The following KLF12 variants were observed in gnomAD, a reference collection of about 807,000 sequenced individuals.
KLF12 encodes KLF transcription factor 12, also known as Krueppel-like factor 12.
Under a neutral mutation model 37.8 loss-of-function variants are expected in KLF12, and 9 were observed. The ratio of observed to expected loss-of-function variants is 0.24; its 90% CI spans 0.14 to 0.42. KLF12 has a LOEUF of 0.42. KLF12 is among the 10% of genes least tolerant of loss of function. The pLI is 1.00. For missense variants in KLF12, 411 were observed against 516.0 expected (o/e 0.80, Z 1.97); for synonymous variants, 208 against 202.1 (o/e 1.03, Z -0.25).
chr13:73,715,657 C>T, intron 6 of KLF12, 132 bp from the exon 7 acceptor site: 1 of 891,008 alleles, frequency 1.1e-6, no homozygotes, highest in Non-Finnish European at 1.7e-6. Context: ...GTTCTTGCTA[C>T]CACTATCTTG....
chr13:73,832,784 G>T (rs76471818), intron 4 of KLF12, among the ~76,000 whole-genome samples: 1 of 152,092 alleles, frequency 6.6e-6, no homozygotes, highest in Admixed American at 6.5e-5. Flanking sequence ...TTCTACTTAA[G>T]GTTTGTTAAA....
At chr13:73,884,248 T>C (rs188238975) in intron 3 of KLF12, among the ~76,000 whole-genome samples, 34 of 152,288 alleles carry the variant, frequency 2.2e-4, no homozygotes, top group African/African-American at 7.2e-4. Flanking sequence ...ATTCTTCTCT[T>C]TTCTCAGCTG....
intron 6 of KLF12, among the ~76,000 whole-genome samples, chr13:73,748,190 T>C (rs1878501553): frequency 1.3e-5 from 2 of 152,210 alleles, no homozygotes; most frequent in African/African-American, 4.8e-5. Context: ...TGTAATCCCA[T>C]ATCAGATTCC....
the KLF12 span, chr13:74,257,027 AT>A: frequency 6.6e-6 from 1 of 152,178 alleles, no homozygotes; most frequent in Non-Finnish European, 1.5e-5. Flanking sequence ...GCCTTATGGA[AT>A]TGTCAAAAGT....
At chr13:73,971,424 A>G (rs1378932464) in intron 2 of KLF12, among the ~76,000 whole-genome samples, 2 of 152,098 alleles carry the variant, frequency 1.3e-5, no homozygotes, top group Non-Finnish European at 2.9e-5. Context: ...AGAACAAATG[A>G]TCCCTGTTCT....
intron 5 of KLF12, 146 bp from the exon 6 acceptor site, chr13:73,765,146 C>T (rs753146857): frequency 1.7e-6 from 1 of 571,978 alleles, no homozygotes; most frequent in Non-Finnish European, 3.1e-6. Flanking sequence ...GTAAATGATG[C>T]AATTAAATTC....
rs76432906 is a variant in KLF12 at position 74,103,423 on chromosome 13, G to C, written c.-32+30316C>G. On this transcript the variant is annotated intron_variant, in intron 1 of 7. Coordinates refer to ENST00000377669, the MANE Select transcript of KLF12 (RefSeq NM_007249.5). Reference sequence around the variant, plus strand: ...CAGCTGCCAAGAAATATCATCAGCAGTGCAGCACGGAAAATGCCCTCAAAG... The same window carrying C: ...CAGCTGCCAAGAAATATCATCAGCACTGCAGCACGGAAAATGCCCTCAAAG... Among the ~76,000 whole-genome samples, 385 of 152,274 alleles carry C rather than the reference G, an allele frequency of 2.5e-3. 5 individuals carry two copies. The highest frequency in any genetic ancestry group is 8.3e-3 in the African/African-American group (346 of 41,554).
intron 4 of KLF12, among the ~76,000 whole-genome samples, chr13:73,843,216 T>C (rs1311335643): frequency 6.6e-6 from 1 of 152,176 alleles, no homozygotes; most frequent in Non-Finnish European, 1.5e-5. Flanking sequence ...GGTTTTTGAA[T>C]ATTATTGATT....
chr13:74,149,294 A>G, the KLF12 span, among the ~76,000 whole-genome samples: 1 of 152,216 alleles, frequency 6.6e-6, no homozygotes. Context: ...TATAATGGGC[A>G]CCTAAAATTA....
the KLF12 span, among the ~76,000 whole-genome samples, chr13:74,261,839 C>T: frequency 6.6e-6 from 1 of 152,156 alleles, no homozygotes; most frequent in African/African-American, 2.4e-5. Flanking sequence ...TGTGGTAGTA[C>T]ACTGGTAAAC....
rs888835874 is a variant in KLF12, at chr13:73,690,356, A to G, written c.*5134T>C. On this transcript the variant is annotated 3_prime_UTR_variant, in exon 8 of 8. Coordinates refer to ENST00000377669, the MANE Select transcript of KLF12 (RefSeq NM_007249.5). ...CTTAATCTTGTCAACATGTAGTTAT[A>G]CCTAAAAGCAGTCTCCCTGGAATAA... 6.6e-6 allele frequency: 1 copy of G among 152,464 alleles called. No homozygotes were observed. The highest frequency in any genetic ancestry group is 2.4e-5 in the African/African-American group (1 of 41,448). 9.4% of individuals were successfully genotyped at this position (152,464 alleles called of 1,614,324 possible).
the KLF12 span, among the ~76,000 whole-genome samples, chr13:74,304,078 C>G: frequency 6.6e-6 from 1 of 152,096 alleles, no homozygotes; most frequent in East Asian, 1.9e-4. Context: ...CCATGCTGAT[C>G]CCTTTCCATC....
At chr13:73,964,606 TAA>T (rs71115627) in intron 2 of KLF12, among the ~76,000 whole-genome samples, 246 of 137,350 alleles carry the variant, frequency 1.8e-3, no homozygotes, top group East Asian at 2.5e-3. Context: ...CGTCTCTACT[TAA>T]AAAAAAAAAA....
chr13:74,018,801 G>T (rs79001949), intron 1 of KLF12, among the ~76,000 whole-genome samples: 1 of 152,102 alleles, frequency 6.6e-6, no homozygotes, highest in Non-Finnish European at 1.5e-5. Flanking sequence ...CAGATCATTC[G>T]CAAATGTAGT....
At chr13:73,981,134 T>C (rs764042243) in intron 2 of KLF12, among the ~76,000 whole-genome samples, 2 of 152,166 alleles carry the variant, frequency 1.3e-5, no homozygotes, top group Non-Finnish European at 2.9e-5. Context: ...CACTCCAGCC[T>C]GGGAGACAAA....
chr13:74,254,993 T>C, the KLF12 span, among the ~76,000 whole-genome samples: 17 of 152,204 alleles, frequency 1.1e-4, no homozygotes, highest in African/African-American at 4.1e-4. Flanking sequence ...TCAGCCAAGA[T>C]TGACAGGAAT....
At chr13:74,260,574 T>TAAAATAAAATAAAATAAAATAAAATA in the KLF12 span, among the ~76,000 whole-genome samples, 1 of 100,318 alleles carries the variant, frequency 1.0e-5, no homozygotes, top group Non-Finnish European at 1.8e-5. Flanking sequence ...TAAAATAAAA[T>TAAAATAAAATAAAATAAAATAAAATA]AAATAAAATA....
At chr13:74,134,526 C>T (rs1878461647), upstream of KLF12, among the ~76,000 whole-genome samples, 3 of 150,946 alleles carry the variant, frequency 2.0e-5, no homozygotes, top group African/African-American at 4.9e-5. Flanking sequence ...GGCGCCTCCA[C>T]CCCGCCCCAC....
intron 1 of KLF12, among the ~76,000 whole-genome samples, chr13:74,039,398 T>C (rs1327870581): frequency 9.3e-5 from 14 of 150,204 alleles, no homozygotes; most frequent in Admixed American, 7.3e-4. Flanking sequence ...CCAGGCAAGT[T>C]GGCATATGCC....
Sources: gnomAD v4.1 joint callset for allele counts (sites outside exome capture counted in the v4.1 genomes callset) on GRCh38, gnomAD v4.1.1 for gene constraint, MANE v1.5 for transcripts, NCBI Gene and HGNC (gene_info 2026-07-23, HGNC 2026-07-21) for gene names.